The following RAB27B variants were observed in gnomAD, a reference collection of about 807,000 sequenced individuals.
RAB27B encodes the protein RAB27B, member RAS oncogene family.
RAB27B carries 15 observed loss-of-function variants against 24.6 expected under a neutral mutation model. The observed-to-expected ratio is 0.61, with a 90% CI of 0.41 to 0.94. The LOEUF is 0.94. Ranked by LOEUF, RAB27B falls within the 40% of genes least tolerant of loss-of-function variation. The probability of loss-of-function intolerance (pLI) is 0.00; values close to 1 mark genes in which losing one functional copy is unlikely to be tolerated. For missense variants in RAB27B, 261 were observed against 266.8 expected (o/e 0.98, Z 0.15); for synonymous variants, 105 against 92.5 (o/e 1.14, Z -0.78).
At chr18:54,834,093 T>C (rs975409669) in intron 1 of RAB27B, among the ~76,000 whole-genome samples, 1 of 152,238 alleles carries the variant, frequency 6.6e-6, no homozygotes, top group Non-Finnish European at 1.5e-5. Flanking sequence ...TATTTGATAA[T>C]GTGTTCTAGA....
At chr18:54,838,651 A>G (rs1972594) in intron 1 of RAB27B, among the ~76,000 whole-genome samples, 100,390 of 151,958 alleles carry the variant, frequency 0.66, 35,843 homozygotes, top group East Asian at 0.92. Context: ...GTTTTTCATA[A>G]AAGCTCCCTA....
At chr18:54,885,607 C>T (rs986534463) in intron 4 of RAB27B, among the ~76,000 whole-genome samples, 2 of 151,936 alleles carry the variant, frequency 1.3e-5, no homozygotes, top group Non-Finnish European at 2.9e-5. Flanking sequence ...CTGACCACTC[C>T]ATCTAAAATA....
chr18:54,817,049 G>T (rs187167416), intron 2 of RAB27B, among the ~76,000 whole-genome samples: 3 of 151,742 alleles, frequency 2.0e-5, no homozygotes, highest in Non-Finnish European at 4.4e-5. Flanking sequence ...TATTTCTAAC[G>T]TTTTACATCT....
intron 1 of RAB27B, among the ~76,000 whole-genome samples, chr18:54,855,059 G>T (rs761743355): frequency 6.6e-6 from 1 of 152,070 alleles, no homozygotes. Flanking sequence ...TTGTTTTCCC[G>T]CAACTGGACT....
At chr18:54,818,736 C>G (rs1910199126) in intron 2 of RAB27B, among the ~76,000 whole-genome samples, 1 of 152,098 alleles carries the variant, frequency 6.6e-6, no homozygotes, top group African/African-American at 2.4e-5. Flanking sequence ...TTTGAATGCT[C>G]TATAACAACG....
chr18:54,757,306 T>G (rs11872885), intron 2 of RAB27B, among the ~76,000 whole-genome samples: 4 of 152,174 alleles, frequency 2.6e-5, no homozygotes, highest in African/African-American at 7.2e-5. Context: ...AGATAAAATT[T>G]GAGCTCTTGA....
chr18:54,740,294 C>G (rs914103086), intron 2 of RAB27B, among the ~76,000 whole-genome samples: 3 of 152,150 alleles, frequency 2.0e-5, no homozygotes, highest in African/African-American at 7.2e-5. Flanking sequence ...AGACATTGTC[C>G]TCCTAACCCC....
rs555770160 is a variant in RAB27B at position 54,773,835 on chromosome 18, C to T, written c.-20+55694C>T. Reference sequence around the variant, plus strand: ...GATTACAGGCACCTGCCACCAGACCCGGCTAATTTTTGTATTTTAGTAGAG... The same window carrying T: ...GATTACAGGCACCTGCCACCAGACCTGGCTAATTTTTGTATTTTAGTAGAG... On this transcript the variant is annotated intron_variant, in intron 2 of 4. Transcript: ENST00000586570. Among the ~76,000 whole-genome samples, 17 of 152,034 alleles carry T rather than the reference C, an allele frequency of 1.1e-4. No individual in the cohort carries two copies. In the East Asian group the frequency reaches 1.9e-3, roughly 17 times the overall value.
At chr18:54,881,329 C>T (rs1167604779) in intron 3 of RAB27B, among the ~76,000 whole-genome samples, 2 of 151,604 alleles carry the variant, frequency 1.3e-5, no homozygotes, top group Non-Finnish European at 1.5e-5. Context: ...GGGGTGGGTT[C>T]TAAAGGGGAG....
chr18:54,755,918 T>G (rs1053118242), intron 2 of RAB27B, among the ~76,000 whole-genome samples: 13 of 152,210 alleles, frequency 8.5e-5, no homozygotes, highest in African/African-American at 3.1e-4. Flanking sequence ...CACCAAAATC[T>G]GTCCTTTGTC....
intron 1 of RAB27B, among the ~76,000 whole-genome samples, chr18:54,876,042 A>G (rs578103614): frequency 3.3e-5 from 5 of 152,264 alleles, no homozygotes; most frequent in African/African-American, 1.2e-4. Context: ...ATTGACTCAC[A>G]GTTTAGCGTG....
At chr18:54,771,990 T>C (rs1028048531) in intron 2 of RAB27B, among the ~76,000 whole-genome samples, 1 of 152,220 alleles carries the variant, frequency 6.6e-6, no homozygotes, top group East Asian at 1.9e-4. Flanking sequence ...TTTGAACACA[T>C]TGACTCACAC....
At chr18:54,876,348 T>C (rs1325417031) in intron 1 of RAB27B, among the ~76,000 whole-genome samples, 4 of 152,136 alleles carry the variant, frequency 2.6e-5, no homozygotes, top group East Asian at 1.9e-4. Context: ...GTCCATAGAA[T>C]AGGCTGTTGT....
chr18:54,791,232 A>G (rs1017743382), intron 2 of RAB27B, among the ~76,000 whole-genome samples: 2 of 152,092 alleles, frequency 1.3e-5, no homozygotes, highest in Non-Finnish European at 2.9e-5. Context: ...AGAAGAAAGA[A>G]AGAGTAAAGA....
chr18:54,876,368 A>G (rs145648061), intron 1 of RAB27B, among the ~76,000 whole-genome samples: 1 of 152,242 alleles, frequency 6.6e-6, no homozygotes, highest in African/African-American at 2.4e-5. Context: ...TTGAAATTTA[A>G]TTTTGATTAC....
intron 2 of RAB27B, among the ~76,000 whole-genome samples, chr18:54,822,356 C>T (rs1434185678): frequency 6.6e-6 from 1 of 152,276 alleles, no homozygotes; most frequent in East Asian, 1.9e-4. Context: ...GAATATATGA[C>T]ATCACAGCTT....
At chr18:54,879,564 G>T in intron 3 of RAB27B, 110 bp downstream of exon 3, 1 of 886,004 alleles carries the variant, frequency 1.1e-6, no homozygotes. Context: ...TCTTCTCCTG[G>T]TTTCAAAATA....
intron 2 of RAB27B, among the ~76,000 whole-genome samples, chr18:54,801,435 C>G (rs1290562866): frequency 2.0e-5 from 3 of 152,264 alleles, no homozygotes; most frequent in Admixed American, 1.3e-4. Context: ...GACTCTTTCT[C>G]TCTCTTAAAA....
At position 54,888,179 on chromosome 18, in the gene RAB27B, G is replaced by C. The variant is rs1913223900; in HGVS notation, c.467+61G>C. 3 of 1,566,296 alleles carry C rather than the reference G, an allele frequency of 1.9e-6. No individual in the cohort carries two copies. In the South Asian group the frequency reaches 3.6e-5, roughly 19 times the overall value. On this transcript the variant is annotated intron_variant, in intron 5 of 5. Coordinates refer to ENST00000262094, the MANE Select transcript of RAB27B (RefSeq NM_004163.4). ...ACACTGCTGTTCAGCAAATGGAGCA[G>C]AGACATTAGATTGATATTAGAAGAA...
Sources: allele counts gnomAD v4.1 joint callset (sites outside exome capture counted in the v4.1 genomes callset), GRCh38; gene constraint gnomAD v4.1.1; transcripts MANE v1.5; gene names NCBI Gene and HGNC (gene_info 2026-07-23, HGNC 2026-07-21).